Variants in GLIS3 observed in about 807,000 individuals in gnomAD.
GLIS3 encodes the protein GLIS family zinc finger 3.
In GLIS3, 53 loss-of-function variants were observed where a neutral mutation model predicts 78.6. That is an observed-to-expected ratio of 0.67 (90% CI 0.54 to 0.85). The LOEUF is 0.85. GLIS3 is among the 40% of genes least tolerant of loss of function. The pLI, the probability that GLIS3 is intolerant of heterozygous loss-of-function variation, is 0.00. For synonymous variants in GLIS3, 684 were observed against 509.9 expected, an observed-to-expected ratio of 1.34 and a Z score of -4.60; for missense variants, 1,703 against 1,231.1, an observed-to-expected ratio of 1.38 and a Z score of -5.74.
the GLIS3 span, among the ~76,000 whole-genome samples, chr9:4,443,638 C>A: frequency 6.6e-6 from 1 of 152,136 alleles, no homozygotes; most frequent in Non-Finnish European, 1.5e-5. Flanking sequence ...TTAAAGGAAG[C>A]AAGAGCACAG....
chr9:3,873,290 C>A (rs1458647317), intron 8 of GLIS3, among the ~76,000 whole-genome samples: 1 of 152,072 alleles, frequency 6.6e-6, no homozygotes, highest in Non-Finnish European at 1.5e-5. Flanking sequence ...TAACAAACAA[C>A]AAAAATAAAA....
chr9:4,064,841 C>T (rs539866039), intron 4 of GLIS3, among the ~76,000 whole-genome samples: 9 of 152,098 alleles, frequency 5.9e-5, no homozygotes, highest in African/African-American at 1.2e-4. Context: ...AGGACTAATT[C>T]GGAAGGAACA....
rs1819768532 is a variant in GLIS3 at position 3,856,092 on chromosome 9, G to A, written c.2390C>T (p.Thr797Ile). 6.2e-7 allele frequency: 1 copy of A among 1,614,198 alleles called. No individual in the cohort carries two copies. Among genetic ancestry groups the A allele is most frequent in the Non-Finnish European group, 8.5e-7 (1 of 1,180,010 alleles). Residue 797 changes from threonine (T) to isoleucine (I), a missense_variant, in exon 9 of 11, where the codon ACC becomes ATC. Coordinates refer to ENST00000381971, the MANE Select transcript of GLIS3 (RefSeq NM_001042413.2). The stretch of plus-strand genomic sequence containing the variant: ...CAGGTGTGAACCTGATGGCTGCTGG[G>A]TATAGGGAGGCTGTGTTCTTTGCAG... Reference protein sequence around the residue: ...SILQRTQPPYTQQPSGSHLKS... With the variant: ...SILQRTQPPYIQQPSGSHLKS...
intron 4 of GLIS3, among the ~76,000 whole-genome samples, chr9:3,982,756 C>T (rs1219260307): frequency 6.6e-6 from 1 of 152,150 alleles, no homozygotes; most frequent in Non-Finnish European, 1.5e-5. Context: ...ACTTTTCTCG[C>T]CAAAACAGAA....
At position 4,133,869 on chromosome 9, in the gene GLIS3, CACA is replaced by C. The variant is rs772443894; in HGVS notation, c.389-7931_389-7929del. ...ACACACACACACACACACACACACA[CACA>C]CACCGTACATCTGTCCTCGCCTGAA... On this transcript the variant is annotated intron_variant, in intron 2 of 10. Coordinates refer to ENST00000381971, the MANE Select transcript of GLIS3 (RefSeq NM_001042413.2). Among the ~76,000 whole-genome samples the C allele has an allele frequency of 3.8e-4, 46 of 121,766 alleles. No individual in the cohort carries two copies. In the South Asian group the frequency reaches 3.8e-3, roughly 10 times the overall value. The allele number at this position is 121,766 out of a possible 152,430, so 79.9% of individuals were successfully genotyped here.
At chr9:4,057,448 G>A (rs1826240754) in intron 4 of GLIS3, among the ~76,000 whole-genome samples, 1 of 151,996 alleles carries the variant, frequency 6.6e-6, no homozygotes, top group African/African-American at 2.4e-5. Context: ...ACAAAAACAG[G>A]TAACAATGCA....
intron 4 of GLIS3, chr9:4,054,350 T>A: frequency 1.0e-6 from 1 of 985,348 alleles, no homozygotes; most frequent in Non-Finnish European, 1.2e-6. Flanking sequence ...CTTTCCAAGC[T>A]CTCAAAAGGC....
intron 4 of GLIS3, among the ~76,000 whole-genome samples, chr9:3,948,517 C>G (rs1173230154): frequency 6.6e-6 from 1 of 152,288 alleles, no homozygotes; most frequent in South Asian, 2.1e-4. Flanking sequence ...TACCTTGGCT[C>G]AGAATTGTAA....
At chr9:4,294,247 G>A (rs879283733) in intron 1 of GLIS3, among the ~76,000 whole-genome samples, 4 of 152,184 alleles carry the variant, frequency 2.6e-5, no homozygotes, top group Non-Finnish European at 5.9e-5. Context: ...GGTGGCTCAC[G>A]CCTGTAATCC....
intron 2 of GLIS3, among the ~76,000 whole-genome samples, chr9:4,232,195 T>C (rs1317577307): frequency 4.6e-5 from 7 of 151,748 alleles, no homozygotes; most frequent in Non-Finnish European, 8.8e-5. Context: ...CTAAGCAACA[T>C]AGCAAGATTC....
At chr9:4,332,620 G>T (rs561978982) in intron 2 of GLIS3, among the ~76,000 whole-genome samples, 175 of 152,240 alleles carry the variant, frequency 1.1e-3, no homozygotes, top group African/African-American at 3.9e-3. Context: ...GCCTTCTTAG[G>T]GCAGACAACA....
chr9:4,473,251 G>C, the GLIS3 span, among the ~76,000 whole-genome samples: 2 of 152,022 alleles, frequency 1.3e-5, no homozygotes, highest in African/African-American at 4.8e-5. Flanking sequence ...AATGAGATCA[G>C]CCTGACCATC....
At chr9:3,867,435 G>A (rs1363398947) in intron 8 of GLIS3, among the ~76,000 whole-genome samples, 1 of 152,190 alleles carries the variant, frequency 6.6e-6, no homozygotes, top group African/African-American at 2.4e-5. Context: ...TGACCTAACT[G>A]ATATTTGCCA....
chr9:4,336,544 G>C (rs548820312), intron 2 of GLIS3, among the ~76,000 whole-genome samples: 62 of 152,248 alleles, frequency 4.1e-4, no homozygotes, highest in African/African-American at 1.5e-3. Flanking sequence ...CATGAGCCCT[G>C]AAACTGAATA....
the GLIS3 span, among the ~76,000 whole-genome samples, chr9:4,437,434 A>ATCTATCTATCTG: frequency 6.4e-3 from 972 of 150,894 alleles, 8 homozygotes; most frequent in African/African-American, 0.022. Context: ...CTATCTATCT[A>ATCTATCTATCTG]TCTATCTATC....
intron 7 of GLIS3, among the ~76,000 whole-genome samples, chr9:3,890,967 T>C (rs932413053): frequency 1.3e-5 from 2 of 150,588 alleles, no homozygotes; most frequent in Non-Finnish European, 2.9e-5. Flanking sequence ...AGTAGTGGAA[T>C]ACAAAATGTA....
In GLIS3 at chr9:3,859,072, T is replaced by C. The variant is rs531784580; in HGVS notation, c.2298-2888A>G. On this transcript the variant is annotated intron_variant, in intron 8 of 10. Coordinates refer to ENST00000381971, the MANE Select transcript of GLIS3 (RefSeq NM_001042413.2). ...AGGCATGGAGAAGATGAAGAGAGAG[T>C]CTTCCTGTTTGAGGTAAGGTCCCTG... 4.0e-5 allele frequency among the ~76,000 whole-genome samples: 6 copies of C among 151,844 alleles called. No homozygotes were observed. In the East Asian group the frequency reaches 1.2e-3, roughly 29 times the overall value.
intron 2 of GLIS3, among the ~76,000 whole-genome samples, chr9:4,177,969 C>T (rs1816955650): frequency 6.6e-6 from 1 of 152,184 alleles, no homozygotes; most frequent in South Asian, 2.1e-4. Flanking sequence ...CTTGATTCTT[C>T]CAGCTGAAAC....
At chr9:3,867,793 G>T (rs1318834103) in intron 8 of GLIS3, among the ~76,000 whole-genome samples, 1 of 151,898 alleles carries the variant, frequency 6.6e-6, no homozygotes, top group African/African-American at 2.4e-5. Context: ...ACATGTGTTG[G>T]GTAAGGAGTG....
Sources: allele counts gnomAD v4.1 joint callset (sites outside exome capture counted in the v4.1 genomes callset), GRCh38; gene constraint gnomAD v4.1.1; transcripts MANE v1.5; gene names NCBI Gene and HGNC (gene_info 2026-07-23, HGNC 2026-07-21).